The following CSMD1 variants were observed in gnomAD, a reference collection of about 807,000 sequenced individuals.
CSMD1 encodes the protein CUB and Sushi multiple domains 1, also known as CUB and sushi domain-containing protein 1.
In CSMD1, 213 loss-of-function variants were observed where a neutral mutation model predicts 417.5. The ratio of observed to expected loss-of-function variants is 0.51; its 90% confidence interval spans 0.46 to 0.57. The LOEUF (loss-of-function observed/expected upper bound fraction) is 0.57. Ranked by LOEUF, CSMD1 falls within the 20% of genes least tolerant of loss-of-function variation. The pLI is 0.00. For synonymous variants in CSMD1, 2,862 were observed against 1,736.8 expected (o/e 1.65, Z -16.11); for missense variants, 6,923 against 4,529.7 (o/e 1.53, Z -15.17).
At chr8:3,527,986 C>T (rs1317453299) in intron 10 of CSMD1, among the ~76,000 whole-genome samples, 2 of 152,116 alleles carry the variant, frequency 1.3e-5, no homozygotes, top group Non-Finnish European at 2.9e-5. Context: ...ACACGCCAGT[C>T]GTACTTCTCC....
intron 4 of CSMD1, among the ~76,000 whole-genome samples, chr8:4,013,353 T>A (rs1048074049): frequency 1.3e-5 from 2 of 152,144 alleles, no homozygotes; most frequent in Non-Finnish European, 2.9e-5. Context: ...AAACACCTGG[T>A]TGATCCCTCT....
intron 26 of CSMD1, among the ~76,000 whole-genome samples, chr8:3,257,510 A>G (rs1199243966): frequency 4.6e-5 from 7 of 152,200 alleles, no homozygotes; most frequent in Admixed American, 3.3e-4. Context: ...GTGCGTTGGG[A>G]TAAAGAAGAC....
At chr8:4,112,905 G>C (rs1464811300) in intron 3 of CSMD1, among the ~76,000 whole-genome samples, 2 of 152,082 alleles carry the variant, frequency 1.3e-5, no homozygotes, top group Non-Finnish European at 2.9e-5. Flanking sequence ...AAGTCTATTG[G>C]AGCCATTTCT....
At chr8:4,138,076 T>A (rs1381713017) in intron 3 of CSMD1, among the ~76,000 whole-genome samples, 5 of 97,164 alleles carry the variant, frequency 5.1e-5, no homozygotes, top group African/African-American at 1.4e-4. Flanking sequence ...TTTTTTTTTT[T>A]TTTTTTTTTT....
intron 5 of CSMD1, among the ~76,000 whole-genome samples, chr8:3,985,132 A>G (rs543700165): frequency 1.3e-5 from 2 of 152,164 alleles, no homozygotes; most frequent in Non-Finnish European, 2.9e-5. Context: ...TAGATCATGT[A>G]CTTCAGGAGA....
chr8:4,138,434 T>C (rs925503732), intron 3 of CSMD1, among the ~76,000 whole-genome samples: 1 of 151,992 alleles, frequency 6.6e-6, no homozygotes, highest in African/African-American at 2.4e-5. Flanking sequence ...AAAAACACCT[T>C]CTATCAAAAA....
chr8:3,469,118 A>G (rs1816943347), intron 11 of CSMD1: 2 of 257,356 alleles, frequency 7.8e-6, no homozygotes, highest in East Asian at 9.3e-5. Flanking sequence ...AGGCTTCCCC[A>G]GGTGCAGGAA....
At chr8:4,966,207 T>TAAAAAAAA (rs1233520112) in intron 1 of CSMD1, among the ~76,000 whole-genome samples, 1 of 36,842 alleles carries the variant, frequency 2.7e-5, no homozygotes, top group South Asian at 8.7e-4. Context: ...CTACTAAATA[T>TAAAAAAAA]ACAAAAAAAA....
rs60792744 is a variant in CSMD1 at position 4,859,627 on chromosome 8, G to T, written c.85+134705C>A. On this transcript the variant is annotated intron_variant, in intron 1 of 69. Coordinates refer to ENST00000635120, the MANE Select transcript of CSMD1 (RefSeq NM_033225.6). ...CATGAACAGACACTTCTCAAAAGAA[G>T]ACGTTTATACAGCCAAAAAACACAT... is the stretch of plus-strand genomic sequence containing the variant. 3.4e-3 allele frequency among the ~76,000 whole-genome samples: 510 copies of T among 152,200 alleles called. 2 individuals are homozygous for T. The highest frequency in any genetic ancestry group is 0.012 in the African/African-American group (496 of 41,500).
chr8:3,815,045 T>C (rs895875710), intron 5 of CSMD1, among the ~76,000 whole-genome samples: 2 of 152,130 alleles, frequency 1.3e-5, no homozygotes, highest in Non-Finnish European at 2.9e-5. Flanking sequence ...AAGAGGCACA[T>C]GAAGATGTTT....
At chr8:4,057,318 G>A (rs1403180829) in intron 3 of CSMD1, among the ~76,000 whole-genome samples, 3 of 152,190 alleles carry the variant, frequency 2.0e-5, no homozygotes, top group Non-Finnish European at 4.4e-5. Flanking sequence ...CTTTTTGGCT[G>A]CATAAATGTC....
At chr8:3,776,823 T>TATATATATATATATAC (rs1173402964) in intron 5 of CSMD1, among the ~76,000 whole-genome samples, 6 of 151,156 alleles carry the variant, frequency 4.0e-5, no homozygotes, top group African/African-American at 1.5e-4. Flanking sequence ...TATATATATA[T>TATATATATATATATAC]ACAGATGACA....
chr8:3,695,412 G>C (rs528157575), intron 7 of CSMD1, among the ~76,000 whole-genome samples: 2 of 151,830 alleles, frequency 1.3e-5, no homozygotes, highest in Non-Finnish European at 2.9e-5. Flanking sequence ...CTTTTATTAG[G>C]TACACTCCAA....
At chr8:4,582,008 G>A (rs1486727263) in intron 2 of CSMD1, among the ~76,000 whole-genome samples, 1 of 152,154 alleles carries the variant, frequency 6.6e-6, no homozygotes, top group Non-Finnish European at 1.5e-5. Flanking sequence ...AGTAGCCTAC[G>A]ATGATGAAAT....
chr8:3,962,482 T>A (rs924621595), intron 5 of CSMD1, among the ~76,000 whole-genome samples: 1 of 152,112 alleles, frequency 6.6e-6, no homozygotes, highest in Middle Eastern at 3.2e-3. Context: ...TCACCCCCTG[T>A]TTATGACAGC....
chr8:4,244,323 C>G (rs559076558), intron 3 of CSMD1, among the ~76,000 whole-genome samples: 2 of 152,262 alleles, frequency 1.3e-5, no homozygotes, highest in African/African-American at 4.8e-5. Flanking sequence ...ATGCCTGAAA[C>G]TTTGCCTGGA....
intron 5 of CSMD1, among the ~76,000 whole-genome samples, chr8:3,889,286 T>A (rs2688380): frequency 0.94 from 141,656 of 151,096 alleles, 66,509 homozygotes; most frequent in Middle Eastern, 0.98. Flanking sequence ...AGCCATTGCC[T>A]TTTTTTTCAG....
At chr8:4,767,811 C>A (rs186593380) in intron 1 of CSMD1, among the ~76,000 whole-genome samples, 2 of 152,260 alleles carry the variant, frequency 1.3e-5, no homozygotes, top group African/African-American at 4.8e-5. Context: ...CACTTATTTA[C>A]CCGAGGCACT....
chr8:4,441,847 C>T (rs1009836554), intron 2 of CSMD1, among the ~76,000 whole-genome samples: 8 of 152,100 alleles, frequency 5.3e-5, no homozygotes, highest in East Asian at 1.9e-4. Context: ...AAAGCATGAA[C>T]GAAAATTCCA....
Sources: gnomAD v4.1 joint callset for allele counts (sites outside exome capture counted in the v4.1 genomes callset) on GRCh38, gnomAD v4.1.1 for gene constraint, MANE v1.5 for transcripts, NCBI Gene and HGNC (gene_info 2026-07-23, HGNC 2026-07-21) for gene names.